Variants in CLSTN2 observed in about 807,000 individuals in gnomAD.
The protein encoded by CLSTN2 is calsyntenin-2.
In CLSTN2, 48 loss-of-function variants were observed where a neutral mutation model predicts 101.2. The observed-to-expected ratio is 0.47, with a 90% confidence interval of 0.38 to 0.60. The LOEUF (loss-of-function observed/expected upper bound fraction) is 0.60, where lower values mean the gene tolerates loss of function less well. Ranked by LOEUF, CLSTN2 falls within the 20% of genes least tolerant of loss-of-function variation. The probability of loss-of-function intolerance (pLI) is 0.00; values close to 1 mark genes in which losing one functional copy is unlikely to be tolerated. For synonymous variants in CLSTN2, 481 were observed against 463.6 expected (o/e 1.04, Z -0.48); for missense variants, 1,160 against 1,238.2 (o/e 0.94, Z 0.95).
At chr3:140,558,897 A>G (rs1223290411) in intron 12 of CLSTN2, 40 bp downstream of exon 12, 5 of 1,523,082 alleles carry the variant, frequency 3.3e-6, no homozygotes, top group Non-Finnish European at 4.5e-6. Context: ...GTGGACCTTA[A>G]TTTTTTACAG....
chr3:140,025,930 T>A (rs1490430354), intron 1 of CLSTN2, among the ~76,000 whole-genome samples: 1 of 152,166 alleles, frequency 6.6e-6, no homozygotes, highest in Non-Finnish European at 1.5e-5. Context: ...ACCGCGCATG[T>A]GGAGTCAAGG....
chr3:140,020,320 C>A (rs1308902139), intron 1 of CLSTN2, among the ~76,000 whole-genome samples: 1 of 152,164 alleles, frequency 6.6e-6, no homozygotes, highest in Non-Finnish European at 1.5e-5. Flanking sequence ...GTTGCTTGTG[C>A]AAGAGGGATG....
At chr3:140,318,679 G>A (rs1018372907) in intron 2 of CLSTN2, among the ~76,000 whole-genome samples, 13 of 152,150 alleles carry the variant, frequency 8.5e-5, no homozygotes, top group East Asian at 1.9e-4. Flanking sequence ...GGTACTTACC[G>A]TGATGCAGGA....
chr3:140,317,636 A>G (rs1397738802), intron 2 of CLSTN2, among the ~76,000 whole-genome samples: 1 of 152,212 alleles, frequency 6.6e-6, no homozygotes. Context: ...ACTGAGGCTC[A>G]AATGGGAACC....
At chr3:140,263,328 G>A (rs2086669183) in intron 2 of CLSTN2, among the ~76,000 whole-genome samples, 1 of 152,124 alleles carries the variant, frequency 6.6e-6, no homozygotes, top group South Asian at 2.1e-4. Context: ...GATGAGGTGG[G>A]ACACTTGGGC....
intron 2 of CLSTN2, among the ~76,000 whole-genome samples, chr3:140,372,392 A>C (rs2087868766): frequency 1.3e-5 from 2 of 151,958 alleles, no homozygotes; most frequent in Admixed American, 1.3e-4. Context: ...ATCTTTTCCC[A>C]CCTTCCTGGT....
chr3:139,956,248 A>C (rs1310686448), intron 1 of CLSTN2, among the ~76,000 whole-genome samples: 1 of 152,108 alleles, frequency 6.6e-6, no homozygotes, highest in African/African-American at 2.4e-5. Context: ...ACATGTTCTC[A>C]TATTTTGTTC....
At chr3:140,408,399 G>A (rs545857624) in intron 4 of CLSTN2, among the ~76,000 whole-genome samples, 5 of 152,220 alleles carry the variant, frequency 3.3e-5, no homozygotes, top group South Asian at 2.1e-4. Context: ...CAGCCATGTC[G>A]CAGGAGCCAC....
intron 1 of CLSTN2, among the ~76,000 whole-genome samples, chr3:140,090,371 CT>C (rs1167697484): frequency 6.6e-6 from 1 of 152,040 alleles, no homozygotes; most frequent in Non-Finnish European, 1.5e-5. Context: ...AATAATCCTG[CT>C]CTGTCAATCT....
intron 5 of CLSTN2, among the ~76,000 whole-genome samples, chr3:140,434,906 A>G (rs74589719): frequency 3.4e-4 from 51 of 148,210 alleles, no homozygotes; most frequent in Admixed American, 2.0e-3. Flanking sequence ...TTTAAAAAAA[A>G]TTTTTTTAAA....
chr3:140,324,705 ATG>A (rs2087314962), intron 2 of CLSTN2, among the ~76,000 whole-genome samples: 1 of 152,232 alleles, frequency 6.6e-6, no homozygotes, highest in South Asian at 2.1e-4. Flanking sequence ...ATGAATCTGC[ATG>A]TATATTTATA....
intron 1 of CLSTN2, among the ~76,000 whole-genome samples, chr3:139,985,218 C>T (rs1378701023): frequency 1.3e-5 from 2 of 152,194 alleles, no homozygotes; most frequent in African/African-American, 2.4e-5. Flanking sequence ...CTTCCAATGG[C>T]TGCACATTGT....
chr3:140,053,190 A>G (rs1208588487), intron 1 of CLSTN2, among the ~76,000 whole-genome samples: 4 of 152,154 alleles, frequency 2.6e-5, no homozygotes, highest in Non-Finnish European at 5.9e-5. Context: ...AGCTCCTGCC[A>G]TCCTCTGGAC....
chr3:140,488,320 A>T (rs983828027), intron 8 of CLSTN2, among the ~76,000 whole-genome samples: 2 of 152,162 alleles, frequency 1.3e-5, no homozygotes, highest in African/African-American at 2.4e-5. Flanking sequence ...AGTTTCTCAG[A>T]TCTGTTTGCC....
intron 9 of CLSTN2, among the ~76,000 whole-genome samples, chr3:140,534,785 T>C (rs368405987): frequency 6.6e-6 from 1 of 152,252 alleles, no homozygotes; most frequent in Non-Finnish European, 1.5e-5. Context: ...ATCTACACTG[T>C]ATCTAGAAGA....
intron 5 of CLSTN2, among the ~76,000 whole-genome samples, chr3:140,437,161 G>C (rs1425328630): frequency 6.6e-6 from 1 of 150,880 alleles, no homozygotes; most frequent in Admixed American, 6.6e-5. Flanking sequence ...CCATTCTCCT[G>C]CCTCAGCCTC....
intron 6 of CLSTN2, among the ~76,000 whole-genome samples, chr3:140,458,566 T>C (rs1295151740): frequency 6.6e-6 from 1 of 152,170 alleles, no homozygotes; most frequent in African/African-American, 2.4e-5. Flanking sequence ...AGGACAGTTG[T>C]CGCCTCTCAC....
intron 2 of CLSTN2, among the ~76,000 whole-genome samples, chr3:140,369,742 T>C (rs1186095475): frequency 6.6e-6 from 1 of 152,086 alleles, no homozygotes; most frequent in Non-Finnish European, 1.5e-5. Flanking sequence ...CAGACCTGCC[T>C]CACTCATTTC....
At chr3:140,111,947 A>G (rs2009163782) in intron 1 of CLSTN2, among the ~76,000 whole-genome samples, 1 of 152,218 alleles carries the variant, frequency 6.6e-6, no homozygotes, top group Non-Finnish European at 1.5e-5. Flanking sequence ...CCACACAGCC[A>G]GTGGTCTGCA....
Sources: gnomAD v4.1 joint callset for allele counts (sites outside exome capture counted in the v4.1 genomes callset) on GRCh38, gnomAD v4.1.1 for gene constraint, MANE v1.5 for transcripts, NCBI Gene and HGNC (gene_info 2026-07-23, HGNC 2026-07-21) for gene names.